The following PRPF38B variants were observed in gnomAD, a reference collection of about 807,000 sequenced individuals.
PRPF38B encodes the protein pre-mRNA-splicing factor 38B.
A neutral mutation model predicts 67.2 loss-of-function variants in PRPF38B; 18 were observed. That is an observed-to-expected ratio of 0.27 (90% CI 0.19 to 0.40). The LOEUF (loss-of-function observed/expected upper bound fraction) is 0.40. Among genes scored for constraint, PRPF38B ranks in the 10% least tolerant of loss-of-function variants. The pLI, the probability that PRPF38B is intolerant of heterozygous loss-of-function variation, is 1.00. For missense variants in PRPF38B, 544 were observed against 684.9 expected, an observed-to-expected ratio of 0.79 and a Z score of 2.30; for synonymous variants, 246 against 234.2, an observed-to-expected ratio of 1.05 and a Z score of -0.46.
intron 5 of PRPF38B, among the ~76,000 whole-genome samples, 165 bp downstream of exon 5, chr1:108,698,992 TA>T (rs1207285037): frequency 6.6e-6 from 1 of 152,248 alleles, no homozygotes; most frequent in Non-Finnish European, 1.5e-5. Flanking sequence ...GCTTTTTCTA[TA>T]AAATTATGCA....
Position 108,700,068 on chromosome 1 carries a change from T to G in PRPF38B, c.*48T>G. 6.5e-7 allele frequency: 1 copy of G among 1,527,854 alleles called. No individual in the cohort carries two copies. The highest frequency in any genetic ancestry group is 8.7e-7 in the Non-Finnish European group (1 of 1,144,082). The allele number at this position is 1,527,854 out of a possible 1,614,324, so 94.6% of individuals were successfully genotyped here. A position where few individuals can be genotyped will look rare whatever the true frequency, so the allele number is the denominator to read the frequency against. On this transcript the variant is annotated 3_prime_UTR_variant, in exon 6 of 6. Coordinates refer to ENST00000370025, the MANE Select transcript of PRPF38B (RefSeq NM_018061.4). Reference sequence around the variant, plus strand: ...ACATTGAATCCTATAAATGATTAAATCTGCTTTTTTCCCCCACGTTGAGAT... The same window carrying G: ...ACATTGAATCCTATAAATGATTAAAGCTGCTTTTTTCCCCCACGTTGAGAT...
chr1:108,699,767 G>A lies in PRPF38B; in HGVS notation c.1388G>A (p.Ser463Asn), dbSNP rs778872371. Reference protein sequence around the residue: ...KEKSSKHKNESKEKSNKRSRS... With the variant: ...KEKSSKHKNENKEKSNKRSRS... Reference sequence around the variant, plus strand: ...AAATCAAGTAAACATAAAAATGAAAGTAAAGAAAAATCAAATAAACGAAGT... The same window carrying A: ...AAATCAAGTAAACATAAAAATGAAAATAAAGAAAAATCAAATAAACGAAGT... The change falls in exon 6 of 6, where the codon AGT becomes AAT. Residue 463 changes from serine to asparagine, a missense_variant. Coordinates refer to ENST00000370025, the MANE Select transcript of PRPF38B (RefSeq NM_018061.4). The A allele has an allele frequency of 1.2e-6, 2 of 1,613,054 alleles. No homozygotes were observed. Among genetic ancestry groups the A allele is most frequent in the Non-Finnish European group, 1.7e-6 (2 of 1,179,802 alleles).
Position 108,700,046 on chromosome 1 carries a change from T to G in PRPF38B, c.*26T>G, listed in dbSNP as rs772084755. The G allele has an allele frequency of 2.6e-6, 4 of 1,561,598 alleles. No homozygotes were observed. Among genetic ancestry groups the G allele is most frequent in the African/African-American group, 2.8e-5 (2 of 72,396 alleles). On this transcript the variant is annotated 3_prime_UTR_variant, in exon 6 of 6. Coordinates refer to ENST00000370025, the MANE Select transcript of PRPF38B (RefSeq NM_018061.4). ...AAATATTTTGTAAAAGTGGATCACA[T>G]TGAATCCTATAAATGATTAAATCTG...
intron 2 of PRPF38B, 111 bp from the exon 3 acceptor site, chr1:108,695,932 C>A: frequency 7.3e-7 from 1 of 1,364,832 alleles, no homozygotes. Flanking sequence ...CTTTTTAATG[C>A]TCCTTAGTTC....
Position 108,700,274 on chromosome 1 carries a change from G to T in PRPF38B, c.*254G>T, listed in dbSNP as rs1201548768. ...TTATTGTTTGTTTTTGAAATGTACA[G>T]TCTGTACATATGTCCTGAAAATGTT... On this transcript the variant is annotated 3_prime_UTR_variant, in exon 6 of 6. Coordinates refer to ENST00000370025, the MANE Select transcript of PRPF38B (RefSeq NM_018061.4). The T allele has an allele frequency of 1.2e-5, 6 of 505,416 alleles. No homozygotes were observed. Among genetic ancestry groups the T allele is most frequent in the African/African-American group, 9.8e-5 (5 of 51,072 alleles). 31.3% of individuals were successfully genotyped at this position (505,416 alleles called of 1,614,324 possible).
chr1:108,701,131 A>G lies in PRPF38B; in HGVS notation c.*1111A>G, dbSNP rs902209469. ...TTGATAGATTGTTCTTACAACTTGT[A>G]TTCTGATTACAGAACCATCATGAGT... is the stretch of plus-strand genomic sequence containing the variant. On this transcript the variant is annotated 3_prime_UTR_variant, in exon 6 of 6. Coordinates refer to ENST00000370025, the MANE Select transcript of PRPF38B (RefSeq NM_018061.4). The G allele has an allele frequency of 6.5e-6, 1 of 152,678 alleles. No homozygotes were observed. The highest frequency in any genetic ancestry group is 2.4e-5 in the African/African-American group (1 of 41,460). The allele number at this position is 152,678 out of a possible 1,614,324, so 9.5% of individuals were successfully genotyped here.
rs1557771556 is a variant in PRPF38B, at chr1:108,699,666, A to C, written c.1287A>C (p.Arg429Ser). 6.3e-7 allele frequency: 1 copy of C among 1,582,336 alleles called. No individual in the cohort carries two copies. Among genetic ancestry groups the C allele is most frequent in the Non-Finnish European group, 8.6e-7 (1 of 1,164,070 alleles). The change falls in exon 6 of 6, where the codon AGA (arginine) becomes AGC (serine). Residue 429 changes from arginine (R) to serine (S), a missense_variant. Transcript: ENST00000370025. ...SKKEKKHSRS[R>S]SRERKHRSRS... is the part of the protein sequence containing the mutation. ...AAGAGAAAAAACACAGTAGAAGCAG[A>C]AGCAGAGAAAGGAAACACAGAAGTA...
In PRPF38B at chr1:108,696,151, A is replaced by C; in HGVS notation, c.454A>C (p.Thr152Pro). Residue 152 changes from threonine to proline, a missense_variant, in exon 3 of 6, where the codon ACA becomes CCA. Coordinates refer to ENST00000370025, the MANE Select transcript of PRPF38B (RefSeq NM_018061.4). ...RKQVMGLITH[T>P]DSPYIRALGF... ...GCAAGTGATGGGTCTTATAACACAC[A>C]CAGACTCTCCATATATTAGAGCGCT... 8.1e-6 allele frequency: 13 copies of C among 1,614,068 alleles called. No individual in the cohort carries two copies. Among genetic ancestry groups the C allele is most frequent in the Non-Finnish European group, 1.0e-5 (12 of 1,179,934 alleles).
rs111751551 is a variant in PRPF38B, at chr1:108,699,434, G to A, written c.1055G>A (p.Arg352Lys). 9.1e-3 allele frequency: 14,629 copies of A among 1,613,982 alleles called. 108 individuals carry two copies. The highest frequency in any genetic ancestry group is 0.011 in the South Asian group (1,012 of 91,064). Residue 352 changes from arginine (R) to lysine (K), a missense_variant, in exon 6 of 6, where the codon AGG (arginine) becomes AAG (lysine). Arg to Lys is a conservative substitution (Grantham distance 26, BLOSUM62 2). Transcript: ENST00000370025. ...SRDRKGDRRDRDREREKENER... is the reference protein window; with the variant it reads ...SRDRKGDRRDKDREREKENER... ...GATAGGAAAGGGGATAGAAGGGACA[G>A]GGATCGAGAAAGAGAGAAAGAAAAT...
chr1:108,693,282 A>G (rs971003972), intron 1 of PRPF38B, among the ~76,000 whole-genome samples: 3 of 151,604 alleles, frequency 2.0e-5, no homozygotes, highest in Middle Eastern at 3.4e-3. Flanking sequence ...TAATGACTTC[A>G]GTATTGGCCT....
chr1:108,701,733 C>T lies in PRPF38B; in HGVS notation c.*1713C>T, dbSNP rs1660516796. The T allele has an allele frequency of 6.6e-6, 1 of 152,108 alleles. No homozygotes were observed. Among genetic ancestry groups the T allele is most frequent in the Non-Finnish European group, 1.5e-5 (1 of 68,006 alleles). 9.4% of individuals were successfully genotyped at this position (152,108 alleles called of 1,614,324 possible). A position where few individuals can be genotyped will look rare whatever the true frequency, so the allele number is the denominator to read the frequency against. On this transcript the variant is annotated 3_prime_UTR_variant, in exon 6 of 6. Transcript: ENST00000370025. Reference sequence around the variant, plus strand: ...GCAAACGAGTACACTTGCAAGAGTCCTCCATATGTGGGCTTAACATATGTA... The same window carrying T: ...GCAAACGAGTACACTTGCAAGAGTCTTCCATATGTGGGCTTAACATATGTA...
Position 108,699,647 on chromosome 1 carries a change from A to G in PRPF38B, c.1268A>G (p.Lys423Arg). The change falls in exon 6 of 6, where the codon AAA becomes AGA. Residue 423 changes from lysine to arginine, a missense_variant. Lys to Arg is a conservative substitution (Grantham distance 26). Coordinates refer to ENST00000370025, the MANE Select transcript of PRPF38B (RefSeq NM_018061.4). ...GACAAAAGAGATTCCAAGAAAGAGAAAAAACACAGTAGAAGCAGAAGCAGA... is the reference window on the plus strand; with the variant it reads ...GACAAAAGAGATTCCAAGAAAGAGAGAAAACACAGTAGAAGCAGAAGCAGA... Reference protein sequence around the residue: ...RDDKRDSKKEKKHSRSRSRER... With the variant: ...RDDKRDSKKERKHSRSRSRER... 2 of 1,565,244 alleles carry G rather than the reference A, an allele frequency of 1.3e-6. No homozygotes were observed. The highest frequency in any genetic ancestry group is 1.7e-6 in the Non-Finnish European group (2 of 1,155,044).
At chr1:108,694,625 G>A (rs1659676618) in intron 1 of PRPF38B, among the ~76,000 whole-genome samples, 1 of 152,120 alleles carries the variant, frequency 6.6e-6, no homozygotes, top group Admixed American at 6.5e-5. Flanking sequence ...TTAAAGCACT[G>A]CAAAATAGTG....
At chr1:108,694,903 TATG>T (rs1436924508) in intron 1 of PRPF38B, among the ~76,000 whole-genome samples, 1 of 152,182 alleles carries the variant, frequency 6.6e-6, no homozygotes, top group African/African-American at 2.4e-5. Context: ...TCTTAGCAAA[TATG>T]ATACTGTATC....
rs1557759213 is a variant in PRPF38B at position 108,692,707 on chromosome 1, TC to T, written c.117del (p.Ser40ProfsTer17). On this transcript the variant is annotated frameshift_variant, in exon 1 of 6. Transcript: ENST00000370025. LOFTEE classifies it high-confidence loss of function. ...CGGGGATKPA[V>X]SGKQGNVLPL... ...GGCGGCGGCGCTACCAAGCCGGCGG[TC>T]TCCGGCAAGCAGGGCAATGTGCTCC... is the stretch of plus-strand genomic sequence containing the variant. 3.7e-6 allele frequency: 6 copies of T among 1,613,104 alleles called. No homozygotes were observed. The Admixed American group carries it at 8.3e-5, about 22-fold the overall frequency.
At chr1:108,693,126 G>A (rs1209103533) in intron 1 of PRPF38B, among the ~76,000 whole-genome samples, 1 of 152,226 alleles carries the variant, frequency 6.6e-6, no homozygotes, top group Non-Finnish European at 1.5e-5. Context: ...CACCCCTGGG[G>A]GGAGTTGGGC....
intron 4 of PRPF38B, chr1:108,696,644 CTT>C (rs1401429071): frequency 2.9e-6 from 2 of 694,206 alleles, no homozygotes; most frequent in African/African-American, 3.6e-5. Context: ...TTAATAGTGA[CTT>C]TTCAAGATGG....
chr1:108,698,334 T>C, intron 4 of PRPF38B: 2 of 353,696 alleles, frequency 5.7e-6, no homozygotes, highest in Non-Finnish European at 5.1e-6. Flanking sequence ...TTCCGCATAG[T>C]TTAGAAATGT....
At position 108,692,727 on chromosome 1, in the gene PRPF38B, G is replaced by A; in HGVS notation, c.136G>A (p.Val46Met). ...KPAVSGKQGN[V>M]LPLWGNEKTM... ...GGCGGTCTCCGGCAAGCAGGGCAATGTGCTCCCGCTCTGGGGCAACGAGAA... is the reference window on the plus strand; with the variant it reads ...GGCGGTCTCCGGCAAGCAGGGCAATATGCTCCCGCTCTGGGGCAACGAGAA... The change falls in exon 1 of 6, where the codon GTG (valine) becomes ATG (methionine). Residue 46 changes from valine to methionine, a missense_variant. Val to Met is a conservative substitution (Grantham distance 21). Transcript: ENST00000370025. The A allele has an allele frequency of 6.2e-7, 1 of 1,613,898 alleles. No individual in the cohort carries two copies. Among genetic ancestry groups the A allele is most frequent in the Non-Finnish European group, 8.5e-7 (1 of 1,180,046 alleles).
Sources: gnomAD v4.1 joint callset for allele counts (sites outside exome capture counted in the v4.1 genomes callset) on GRCh38, gnomAD v4.1.1 for gene constraint, MANE v1.5 for transcripts, NCBI Gene and HGNC (gene_info 2026-07-23, HGNC 2026-07-21) for gene names.